Variants in ZNF423 observed in about 807,000 individuals in gnomAD.
The protein encoded by ZNF423 is Ebf-associated zinc finger protein.
ZNF423 carries 12 observed loss-of-function variants against 95.8 expected under a neutral mutation model. The observed-to-expected ratio is 0.13, with a 90% CI of 0.08 to 0.20. The LOEUF (loss-of-function observed/expected upper bound fraction) is 0.20. Ranked by LOEUF, ZNF423 falls within the 10% of genes least tolerant of loss-of-function variation. The probability of loss-of-function intolerance (pLI) is 1.00; values close to 1 mark genes in which losing one functional copy is unlikely to be tolerated. For missense variants in ZNF423, 1,316 were observed against 1,737.1 expected (o/e 0.76, Z 4.31); for synonymous variants, 749 against 711.9 (o/e 1.05, Z -0.83).
intron 2 of ZNF423, among the ~76,000 whole-genome samples, chr16:49,776,763 G>T (rs1295957416): frequency 6.6e-6 from 1 of 152,250 alleles, no homozygotes; most frequent in Non-Finnish European, 1.5e-5. Flanking sequence ...GGGCCCAAGT[G>T]CAGGGGTGCA....
In ZNF423 at chr16:49,635,726, G is replaced by A. The variant is rs1314879901; in HGVS notation, c.3450C>T (p.Asp1150=). The change falls in exon 4 of 8, where the codon GAC becomes GAT. Residue 1150 remains aspartate, a synonymous_variant. Coordinates refer to ENST00000563137, the MANE Select transcript of ZNF423 (RefSeq NM_001379286.1). The surrounding 1 kb of genome is among the most constrained non-coding windows in gnomAD (Gnocchi z 4.8). ...AEDLESHMQV[D]HRDLTPETSG... ...TGGTCTCCGGCGTGAGGTCACGGTG[G>A]TCCACCTGCATGTGGCTCTCCAGGT... is the stretch of plus-strand genomic sequence containing the variant. 2 of 1,610,828 alleles carry A rather than the reference G, an allele frequency of 1.2e-6. No individual in the cohort carries two copies. Among genetic ancestry groups the A allele is most frequent in the East Asian group, 2.2e-5 (1 of 44,840 alleles).
intron 5 of ZNF423, among the ~76,000 whole-genome samples, chr16:49,532,981 G>A (rs998876678): frequency 7.9e-5 from 12 of 152,194 alleles, no homozygotes; most frequent in Admixed American, 5.9e-4. Context: ...TTCCACGCAT[G>A]GGCACGTGGG....
intron 5 of ZNF423, among the ~76,000 whole-genome samples, chr16:49,559,449 C>T (rs1164857823): frequency 1.3e-5 from 2 of 152,246 alleles, no homozygotes; most frequent in African/African-American, 4.8e-5. Flanking sequence ...CCTCACCAGT[C>T]TCCATCCATC....
At chr16:49,628,811 C>A (rs1972397885) in intron 4 of ZNF423, among the ~76,000 whole-genome samples, 1 of 152,192 alleles carries the variant, frequency 6.6e-6, no homozygotes, top group Non-Finnish European at 1.5e-5. Flanking sequence ...AGCTTCAAAG[C>A]TTCTTGAAGA....
intron 2 of ZNF423, among the ~76,000 whole-genome samples, chr16:49,763,547 G>A (rs904654379): frequency 6.6e-6 from 1 of 152,070 alleles, no homozygotes; most frequent in Non-Finnish European, 1.5e-5. Flanking sequence ...ACCCCAGTAG[G>A]TTCCCACATG....
At chr16:49,513,993 G>A (rs567398349) in intron 7 of ZNF423, among the ~76,000 whole-genome samples, 4 of 151,938 alleles carry the variant, frequency 2.6e-5, no homozygotes, top group Admixed American at 6.6e-5. Context: ...CAGGAAGGCA[G>A]TGGCCGTCTG....
intron 2 of ZNF423, among the ~76,000 whole-genome samples, chr16:49,763,579 C>A (rs2033871726): frequency 6.6e-6 from 1 of 151,282 alleles, no homozygotes; most frequent in Non-Finnish European, 1.5e-5. Context: ...GCAGTCACTT[C>A]TTCGCCTCTA....
intron 2 of ZNF423, among the ~76,000 whole-genome samples, chr16:49,764,280 A>C (rs2033886464): frequency 6.6e-6 from 1 of 152,088 alleles, no homozygotes. Context: ...ACTGGGTCCC[A>C]CTCACCCCAC....
At chr16:49,556,798 T>C (rs1244032138) in intron 5 of ZNF423, among the ~76,000 whole-genome samples, 1 of 152,248 alleles carries the variant, frequency 6.6e-6, no homozygotes, top group African/African-American at 2.4e-5. Context: ...CCTGTATTTA[T>C]AGTAACATTT....
In ZNF423 at chr16:49,795,831, G is replaced by A. The variant is rs575419449; in HGVS notation, c.41-6285C>T. ...CAGAAAGCCCTTCAAAGGAGCACCC[G>A]AACACATCCTGTTAAGAGAAAGGGT... On this transcript the variant is annotated intron_variant, in intron 1 of 7. Coordinates refer to ENST00000563137, the MANE Select transcript of ZNF423 (RefSeq NM_001379286.1). Among the ~76,000 whole-genome samples, 33 of 152,320 alleles carry A rather than the reference G, an allele frequency of 2.2e-4. No homozygotes were observed. In the South Asian group the frequency reaches 6.2e-3, roughly 29 times the overall value.
At chr16:49,706,932 C>T (rs963087060) in intron 3 of ZNF423, among the ~76,000 whole-genome samples, 3 of 152,172 alleles carry the variant, frequency 2.0e-5, no homozygotes, top group Non-Finnish European at 4.4e-5. Context: ...ATAAACAAAC[C>T]CCCAGGACAA....
chr16:49,854,657 G>A (rs753364831), intron 1 of ZNF423: 115 of 985,234 alleles, frequency 1.2e-4, no homozygotes, highest in Non-Finnish European at 1.3e-4. Flanking sequence ...GGCTAGAATC[G>A]GGACAAAGCA....
chr16:49,522,886 AT>A (rs1159764415), intron 7 of ZNF423, among the ~76,000 whole-genome samples: 2 of 152,160 alleles, frequency 1.3e-5, no homozygotes, highest in Non-Finnish European at 2.9e-5. Context: ...TGTTGCAAGA[AT>A]TTTTTGCAAA....
rs563589270 is a variant in ZNF423, at chr16:49,544,542, C to T, written c.3602-19048G>A. 5.9e-5 allele frequency among the ~76,000 whole-genome samples: 9 copies of T among 152,194 alleles called. 1 individual carries two copies. The highest frequency in any genetic ancestry group is 3.9e-4 in the Admixed American group (6 of 15,286). Reference sequence around the variant, plus strand: ...ACACCAAGGGGGAAGAAACTTCCTCCGTGACAGGTGAGGATCACCTTAGCA... The same window carrying T: ...ACACCAAGGGGGAAGAAACTTCCTCTGTGACAGGTGAGGATCACCTTAGCA... On this transcript the variant is annotated intron_variant, in intron 5 of 7. Coordinates refer to ENST00000563137, the MANE Select transcript of ZNF423 (RefSeq NM_001379286.1).
chr16:49,595,603 G>C (rs1013213109), intron 5 of ZNF423, among the ~76,000 whole-genome samples: 1 of 152,216 alleles, frequency 6.6e-6, no homozygotes, highest in African/African-American at 2.4e-5. Flanking sequence ...TTTCTGTGCA[G>C]TTAGTTCTGA....
Position 49,637,860 on chromosome 16 carries a change from G to T in ZNF423, c.1316C>A (p.Thr439Asn), listed in dbSNP as rs1455163436. Residue 439 changes from threonine (T) to asparagine (N), a missense_variant, in exon 4 of 8, where the codon ACC (threonine) becomes AAC (asparagine). Around this residue, in one of 6 missense-constraint regions of ZNF423, gnomAD observed 399 missense variants for 478.5 expected, o/e 0.83. Transcript: ENST00000563137. This position sits in a 1 kb window ranked among gnomAD's most constrained non-coding sequence, Gnocchi z 5.6. ...SLAVLEIHLK[T>N]IHADKPQQSH... Reference sequence around the variant, plus strand: ...CTGCTGGGGCTTGTCCGCGTGGATGGTCTTCAGGTGGATCTCCAGCACGGC... The same window carrying T: ...CTGCTGGGGCTTGTCCGCGTGGATGTTCTTCAGGTGGATCTCCAGCACGGC... 6.2e-7 allele frequency: 1 copy of T among 1,614,094 alleles called. No homozygotes were observed. The highest frequency in any genetic ancestry group is 1.3e-5 in the African/African-American group (1 of 74,920).
intron 1 of ZNF423, among the ~76,000 whole-genome samples, chr16:49,836,510 A>T (rs984300514): frequency 6.6e-6 from 1 of 152,134 alleles, no homozygotes; most frequent in Admixed American, 6.5e-5. Context: ...GTGTGTAGAC[A>T]GTGACCCTGG....
At chr16:49,834,157 T>C (rs2035091842) in intron 1 of ZNF423, among the ~76,000 whole-genome samples, 1 of 151,986 alleles carries the variant, frequency 6.6e-6, no homozygotes, top group Admixed American at 6.6e-5. Flanking sequence ...AGAAAAATCA[T>C]CTCATCAGGC....
intron 2 of ZNF423, among the ~76,000 whole-genome samples, chr16:49,742,888 T>C (rs1567322829): frequency 6.6e-6 from 1 of 151,980 alleles, no homozygotes; most frequent in African/African-American, 2.4e-5. Flanking sequence ...CTAATGGAGT[T>C]TGGCTCAGAG....
Sources: allele counts gnomAD v4.1 joint callset (sites outside exome capture counted in the v4.1 genomes callset), GRCh38; gene constraint gnomAD v4.1.1; regional missense constraint gnomAD v4.1.1; non-coding constraint Gnocchi (gnomAD v3.1); transcripts MANE v1.5; gene names NCBI Gene and HGNC (gene_info 2026-07-23, HGNC 2026-07-21).